SOX6: variants seen among roughly 807,000 people sequenced by gnomAD.
The protein encoded by SOX6 is transcription factor SOX-6.
SOX6 carries 11 observed loss-of-function variants against 97.8 expected under a neutral mutation model. That is an observed-to-expected ratio of 0.11 (90% CI 0.07 to 0.19). The LOEUF is 0.19. SOX6 is among the 10% of genes least tolerant of loss of function. SOX6 has a pLI of 1.00. For missense variants in SOX6, 810 were observed against 1,039.5 expected (o/e 0.78, Z 3.04); for synonymous variants, 360 against 371.4 (o/e 0.97, Z 0.35).
At chr11:16,597,366 C>G (rs931729101) in intron 4 of SOX6, among the ~76,000 whole-genome samples, 1 of 150,946 alleles carries the variant, frequency 6.6e-6, no homozygotes, top group Non-Finnish European at 1.5e-5. Context: ...AATATATATA[C>G]AGTAGCTTCA....
At chr11:16,209,497 G>A (rs529209451) in intron 4 of SOX6, among the ~76,000 whole-genome samples, 4 of 152,138 alleles carry the variant, frequency 2.6e-5, no homozygotes, top group South Asian at 2.1e-4. Context: ...GGCTCACACC[G>A]GTAATCCCAG....
chr11:16,475,464 A>G (rs1860225296), intron 1 of SOX6, among the ~76,000 whole-genome samples: 2 of 152,168 alleles, frequency 1.3e-5, no homozygotes, highest in African/African-American at 4.8e-5. Flanking sequence ...GCCCAATTTC[A>G]ATATTGTTGT....
At chr11:16,389,194 T>C (rs1434241811) in intron 1 of SOX6, among the ~76,000 whole-genome samples, 1 of 152,124 alleles carries the variant, frequency 6.6e-6, no homozygotes, top group Non-Finnish European at 1.5e-5. Flanking sequence ...GTGATCCTCC[T>C]ACCTCAGCCT....
intron 12 of SOX6, among the ~76,000 whole-genome samples, chr11:16,032,488 C>T (rs1186856331): frequency 1.3e-5 from 2 of 152,096 alleles, no homozygotes; most frequent in Non-Finnish European, 2.9e-5. Context: ...AGGTTTCTCC[C>T]AGAGAGAAGA....
intron 13 of SOX6, among the ~76,000 whole-genome samples, chr11:15,995,187 C>T (rs1255084227): frequency 6.6e-6 from 1 of 152,050 alleles, no homozygotes; most frequent in African/African-American, 2.4e-5. Context: ...CAGCTGATGC[C>T]CTTTGCAAGA....
Position 16,179,872 on chromosome 11 carries a change from T to C in SOX6, c.777+4014A>G, listed in dbSNP as rs184906257. Among the ~76,000 whole-genome samples, 200 of 151,992 alleles carry C rather than the reference T, an allele frequency of 1.3e-3. 1 individual carries two copies. The highest frequency in any genetic ancestry group is 4.7e-3 in the African/African-American group (196 of 41,532). ...TAAGCCACTTGAATAACTCTAAAAT[T>C]GGAGTCTGAAGAGACACAAATAATT... is the stretch of plus-strand genomic sequence containing the variant. On this transcript the variant is annotated intron_variant, in intron 6 of 15. Coordinates refer to ENST00000683767, the MANE Select transcript of SOX6 (RefSeq NM_001367873.1).
chr11:16,667,098 G>A lies in SOX6; in HGVS notation n.429+47732C>T, dbSNP rs148592052. ...AAAAAAGTTAGCCAGGCATAGTGGTGCACACCTGTCCCAGCTGAGTAGTCC... is the reference window on the plus strand; with the variant it reads ...AAAAAAGTTAGCCAGGCATAGTGGTACACACCTGTCCCAGCTGAGTAGTCC... On this transcript the variant is annotated intron_variant and non_coding_transcript_variant, in intron 3 of 5. Transcript: ENST00000524520. Among the ~76,000 whole-genome samples the A allele has an allele frequency of 6.6e-3, 997 of 151,200 alleles. 5 individuals are homozygous for A. The highest frequency in any genetic ancestry group is 0.022 in the African/African-American group (901 of 41,206).
chr11:16,185,203 T>A (rs1851439031), intron 5 of SOX6, among the ~76,000 whole-genome samples: 2 of 152,302 alleles, frequency 1.3e-5, no homozygotes, highest in South Asian at 4.1e-4. Context: ...TAATGTAGAC[T>A]ACAGTGTGAG....
At chr11:16,593,373 T>C (rs1236079788) in intron 4 of SOX6, among the ~76,000 whole-genome samples, 1 of 152,270 alleles carries the variant, frequency 6.6e-6, no homozygotes, top group East Asian at 1.9e-4. Flanking sequence ...CAGATGATGA[T>C]GGTCAGCTTT....
At chr11:16,387,603 T>G (rs1419041423) in intron 1 of SOX6, among the ~76,000 whole-genome samples, 1 of 152,118 alleles carries the variant, frequency 6.6e-6, no homozygotes, top group African/African-American at 2.4e-5. Flanking sequence ...GCCTTTGTTA[T>G]GACAGATGGT....
chr11:16,357,439 C>T (rs1367028533), upstream of SOX6, among the ~76,000 whole-genome samples: 1 of 152,076 alleles, frequency 6.6e-6, no homozygotes. Flanking sequence ...TTCTGCTATG[C>T]GTACGGTCGG....
At chr11:16,719,869 C>T (rs1848246523) in intron 2 of SOX6, among the ~76,000 whole-genome samples, 1 of 152,076 alleles carries the variant, frequency 6.6e-6, no homozygotes, top group Non-Finnish European at 1.5e-5. Context: ...GGCTGCACCA[C>T]TGCACCCCAG....
intron 3 of SOX6, among the ~76,000 whole-genome samples, chr11:16,276,750 T>G (rs1477191742): frequency 2.6e-5 from 4 of 152,166 alleles, no homozygotes; most frequent in Non-Finnish European, 5.9e-5. Context: ...TGTGAAAAAA[T>G]TAAACACCTA....
At chr11:16,111,664 C>G (rs548945393) in intron 7 of SOX6, 139 bp downstream of exon 7, 1 of 1,188,292 alleles carries the variant, frequency 8.4e-7, no homozygotes, top group East Asian at 2.6e-5. Context: ...CTTCCCAATT[C>G]TAATTTTACT....
intron 3 of SOX6, among the ~76,000 whole-genome samples, chr11:16,630,368 GT>G (rs1051329626): frequency 2.0e-5 from 3 of 152,122 alleles, no homozygotes; most frequent in Non-Finnish European, 4.4e-5. Flanking sequence ...CCAGGGGTAA[GT>G]TGTTTCATTT....
At chr11:16,631,425 T>A (rs1258491688) in intron 3 of SOX6, among the ~76,000 whole-genome samples, 5 of 152,236 alleles carry the variant, frequency 3.3e-5, no homozygotes. Context: ...CAACTTCTTC[T>A]GGCTTGTAAA....
At chr11:16,141,643 G>A (rs1421130527) in intron 6 of SOX6, among the ~76,000 whole-genome samples, 2 of 152,136 alleles carry the variant, frequency 1.3e-5, no homozygotes, top group Non-Finnish European at 2.9e-5. Context: ...GACAGCACCT[G>A]GAAAATCGGG....
intron 3 of SOX6, among the ~76,000 whole-genome samples, chr11:16,246,121 C>G (rs1853328564): frequency 6.6e-6 from 1 of 151,202 alleles, no homozygotes; most frequent in Non-Finnish European, 1.5e-5. Context: ...GCATCTTTAA[C>G]TTACAACAGT....
At chr11:16,291,487 T>TTTG (rs944057448) in intron 3 of SOX6, among the ~76,000 whole-genome samples, 1 of 151,860 alleles carries the variant, frequency 6.6e-6, no homozygotes, top group Non-Finnish European at 1.5e-5. Context: ...CATTACGTTT[T>TTTG]TTGTTGTTGT....
Sources: gnomAD v4.1 joint callset for allele counts (sites outside exome capture counted in the v4.1 genomes callset) on GRCh38, gnomAD v4.1.1 for gene constraint, MANE v1.5 for transcripts, NCBI Gene and HGNC (gene_info 2026-07-23, HGNC 2026-07-21) for gene names.